CCDC33: variants seen among roughly 807,000 people sequenced by gnomAD.
CCDC33 encodes coiled-coil domain-containing protein 33.
Under a neutral mutation model 91.9 loss-of-function variants are expected in CCDC33, and 94 were observed. The ratio of observed to expected loss-of-function variants is 1.02; its 90% CI spans 0.87 to 1.21. The LOEUF (loss-of-function observed/expected upper bound fraction) is 1.21, where lower values mean the gene tolerates loss of function less well. CCDC33 is among the 50% of genes most tolerant of loss of function. The pLI is 0.00. For synonymous variants in CCDC33, 396 were observed against 374.5 expected, an observed-to-expected ratio of 1.06 and a Z score of -0.66; for missense variants, 940 against 935.5, an observed-to-expected ratio of 1.00 and a Z score of -0.06.
At chr15:74,217,162 G>T (rs2074465560), upstream of CCDC33, 4 of 734,694 alleles carry the variant, frequency 5.4e-6, no homozygotes, top group East Asian at 1.5e-4. Flanking sequence ...AACAGAGGTG[G>T]GTGGGGAGTG....
chr15:74,220,895 C>T (rs1255914217), intron 2 of CCDC33, among the ~76,000 whole-genome samples: 2 of 152,202 alleles, frequency 1.3e-5, no homozygotes, highest in Non-Finnish European at 2.9e-5. Flanking sequence ...CTTGCTCTAG[C>T]AGTTCAGGCT....
rs183711608 is a variant in CCDC33, at chr15:74,309,048, G to A, written c.1290+13100G>A. Among the ~76,000 whole-genome samples the A allele has an allele frequency of 6.4e-3, 976 of 152,172 alleles. 9 individuals are homozygous for A. Among genetic ancestry groups the A allele is most frequent in the Non-Finnish European group, 7.0e-3 (474 of 67,966 alleles). On this transcript the variant is annotated intron_variant, in intron 11 of 18. Coordinates refer to ENST00000398814, the MANE Select transcript of CCDC33 (RefSeq NM_025055.5). Reference sequence around the variant, plus strand: ...CTGGCTCAGGATCTGGGAGCTGACCGTCCAGATGGGGCCCTCCTGCCTACC... The same window carrying A: ...CTGGCTCAGGATCTGGGAGCTGACCATCCAGATGGGGCCCTCCTGCCTACC...
chr15:74,205,461 C>T (rs2074238907), intron 1 of CCDC33, among the ~76,000 whole-genome samples: 2 of 152,122 alleles, frequency 1.3e-5, no homozygotes, highest in Non-Finnish European at 2.9e-5. Flanking sequence ...TTACAAATAG[C>T]CAGCTCTCAC....
chr15:74,309,766 T>A (rs2142733667), intron 11 of CCDC33, among the ~76,000 whole-genome samples: 1 of 152,228 alleles, frequency 6.6e-6, no homozygotes, highest in East Asian at 1.9e-4. Context: ...TACAAATGGA[T>A]CTGTGCCCCA....
rs369759812 is a variant in CCDC33 at position 74,331,122 on chromosome 15, A to G, written c.1677+10A>G. On this transcript the variant is annotated intron_variant, in intron 14 of 18. Coordinates refer to ENST00000398814, the MANE Select transcript of CCDC33 (RefSeq NM_025055.5). Reference sequence around the variant, plus strand: ...GCGGCACCAAGAGAAGGCAGGTGGCAGAGGGGCTGCCCCCGAGGCCAACTG... The same window carrying G: ...GCGGCACCAAGAGAAGGCAGGTGGCGGAGGGGCTGCCCCCGAGGCCAACTG... 4 of 1,613,200 alleles carry G rather than the reference A, an allele frequency of 2.5e-6. No homozygotes were observed. In the African/African-American group the frequency reaches 4.0e-5, roughly 16 times the overall value.
At chr15:74,293,126 G>A (rs1191482449) in intron 10 of CCDC33, among the ~76,000 whole-genome samples, 1 of 152,118 alleles carries the variant, frequency 6.6e-6, no homozygotes, top group East Asian at 1.9e-4. Flanking sequence ...AGGCTATGGG[G>A]GAGGGAACTC....
At chr15:74,234,855 C>T (rs967423019), upstream of CCDC33, among the ~76,000 whole-genome samples, 6 of 152,336 alleles carry the variant, frequency 3.9e-5, no homozygotes, top group East Asian at 1.9e-4. Context: ...GGGAGCGGAG[C>T]GCTCGCACAG....
At chr15:74,222,698 A>G (rs981205255) in intron 2 of CCDC33, among the ~76,000 whole-genome samples, 8 of 151,924 alleles carry the variant, frequency 5.3e-5, no homozygotes, top group African/African-American at 1.7e-4. Flanking sequence ...GGCTTTCATT[A>G]AGGAGAAGTG....
chr15:74,317,868 G>A (rs1323400061), intron 11 of CCDC33, among the ~76,000 whole-genome samples: 2 of 149,038 alleles, frequency 1.3e-5, no homozygotes, highest in Admixed American at 1.4e-4. Flanking sequence ...CTAGGTGGCG[G>A]GCTGGCTTGT....
At chr15:74,223,795 C>CACAG (rs1491028504) in intron 2 of CCDC33, among the ~76,000 whole-genome samples, 1 of 144,842 alleles carries the variant, frequency 6.9e-6, no homozygotes, top group Admixed American at 7.0e-5. Context: ...CACACACACA[C>CACAG]AGCAGACAGC....
intron 9 of CCDC33, 50 bp from the exon 10 acceptor site, chr15:74,281,728 C>T (rs371130912): frequency 3.1e-4 from 472 of 1,510,072 alleles, no homozygotes; most frequent in Non-Finnish European, 4.2e-4. Context: ...GGGGCAGAGG[C>T]GGAAGCTGCC....
At chr15:74,267,084 G>A (rs1566982568) in intron 4 of CCDC33, among the ~76,000 whole-genome samples, 1 of 152,200 alleles carries the variant, frequency 6.6e-6, no homozygotes, top group Non-Finnish European at 1.5e-5. Context: ...TGTTAAAAGA[G>A]CGGATCTAAA....
intron 1 of CCDC33, among the ~76,000 whole-genome samples, chr15:74,242,265 G>A (rs1262831995): frequency 6.6e-6 from 1 of 152,212 alleles, no homozygotes; most frequent in African/African-American, 2.4e-5. Flanking sequence ...CCAGCATGGT[G>A]AGAGGCAGAG....
rs567109737 is a variant in CCDC33, at chr15:74,268,396, A to G, written c.484A>G (p.Thr162Ala). The change falls in exon 5 of 19, where the codon ACA (threonine) becomes GCA (alanine). Residue 162 changes from threonine (T) to alanine (A), a missense_variant. By Grantham distance (58) the Thr-to-Ala change is moderately conservative (BLOSUM62 0). Transcript: ENST00000398814. ...EATAKTQLYA[T>A]VVRKSSFIPR... ...CACTGCCAAGACCCAGTTGTACGCA[A>G]CAGTCGTTCGGAAGAGCAGCTTCAT... 7.7e-5 allele frequency: 124 copies of G among 1,609,840 alleles called. 1 individual carries two copies. The Admixed American group carries it at 2.0e-3, about 27-fold the overall frequency.
intron 11 of CCDC33, among the ~76,000 whole-genome samples, chr15:74,329,587 C>T (rs1361376375): frequency 6.6e-6 from 1 of 152,180 alleles, no homozygotes. Flanking sequence ...TGGCTGACTC[C>T]AGCCCCCAGC....
chr15:74,258,327 C>T (rs546990412), intron 2 of CCDC33, among the ~76,000 whole-genome samples: 16 of 152,352 alleles, frequency 1.1e-4, no homozygotes, highest in African/African-American at 3.6e-4. Context: ...GGGCCCTCCC[C>T]TTTCCTTTGC....
intron 1 of CCDC33, chr15:74,207,989 A>T (rs1414370237): frequency 3.5e-6 from 5 of 1,415,590 alleles, no homozygotes; most frequent in Non-Finnish European, 3.7e-6. Flanking sequence ...GAGGGTCAGA[A>T]GCACCATCTG....
rs755509489 is a variant in CCDC33, at chr15:74,271,699, C to T, written c.547-4C>T. Reference sequence around the variant, plus strand: ...TCACCTGCCTCCTCTCCTCTCCTCTCCAGATCTTTCTCCGGGGAGTCAACG... The same window carrying T: ...TCACCTGCCTCCTCTCCTCTCCTCTTCAGATCTTTCTCCGGGGAGTCAACG... On this transcript the variant is annotated splice_region_variant and splice_polypyrimidine_tract_variant and intron_variant, in intron 5 of 18. Coordinates refer to ENST00000398814, the MANE Select transcript of CCDC33 (RefSeq NM_025055.5). The T allele has an allele frequency of 5.6e-6, 9 of 1,612,776 alleles. No homozygotes were observed. Among genetic ancestry groups the T allele is most frequent in the Non-Finnish European group, 7.6e-6 (9 of 1,178,830 alleles).
At chr15:74,261,217 G>GC (rs2076013886) in intron 2 of CCDC33, among the ~76,000 whole-genome samples, 1 of 152,190 alleles carries the variant, frequency 6.6e-6, no homozygotes, top group Non-Finnish European at 1.5e-5. Context: ...ACCCACAGAA[G>GC]AAGGGCTCCT....
Sources: gnomAD v4.1 joint callset for allele counts (sites outside exome capture counted in the v4.1 genomes callset) on GRCh38, gnomAD v4.1.1 for gene constraint, MANE v1.5 for transcripts, NCBI Gene and HGNC (gene_info 2026-07-23, HGNC 2026-07-21) for gene names.